The following HMBOX1 variants were observed in gnomAD, a reference collection of about 807,000 sequenced individuals.
HMBOX1 encodes homeobox containing 1.
A neutral mutation model predicts 54.5 loss-of-function variants in HMBOX1; 14 were observed. The ratio of observed to expected loss-of-function variants is 0.26; its 90% CI spans 0.17 to 0.40. The LOEUF (loss-of-function observed/expected upper bound fraction) is 0.40. Ranked by LOEUF, HMBOX1 falls within the 10% of genes least tolerant of loss-of-function variation. The pLI is 1.00. For missense variants in HMBOX1, 332 were observed against 514.4 expected, an observed-to-expected ratio of 0.65 and a Z score of 3.43; for synonymous variants, 160 against 181.0, an observed-to-expected ratio of 0.88 and a Z score of 0.93.
chr8:29,032,020 AGT>A (rs1460634070), intron 6 of HMBOX1, among the ~76,000 whole-genome samples: 1 of 152,120 alleles, frequency 6.6e-6, no homozygotes, highest in African/African-American at 2.4e-5. Context: ...GAGGCTGCTG[AGT>A]GTCTGCTCAG....
intron 5 of HMBOX1, among the ~76,000 whole-genome samples, chr8:29,014,208 A>G (rs577764632): frequency 6.6e-6 from 1 of 151,450 alleles, no homozygotes; most frequent in African/African-American, 2.4e-5. Flanking sequence ...TTTTTTCCTC[A>G]TGGGTTTAGA....
intron 3 of HMBOX1, among the ~76,000 whole-genome samples, chr8:28,979,137 A>C (rs1211685876): frequency 6.6e-6 from 1 of 152,198 alleles, no homozygotes; most frequent in East Asian, 1.9e-4. Context: ...CCTCTATTCT[A>C]TGTTACTTTT....
chr8:28,926,302 T>TACAC (rs548652349), intron 1 of HMBOX1, among the ~76,000 whole-genome samples: 2,068 of 143,530 alleles, frequency 0.014, 36 homozygotes, highest in African/African-American at 0.046. Flanking sequence ...TATATATATA[T>TACAC]ATACACACAC....
rs374026173 is a variant in HMBOX1, at chr8:28,977,959, G to A, written c.501-2112G>A. ...ACTCTGTCTCCAAAAAAAAAAAAAAGAAAGAAAGAAAGAAATATTTCAAAT... is the reference window on the plus strand; with the variant it reads ...ACTCTGTCTCCAAAAAAAAAAAAAAAAAAGAAAGAAAGAAATATTTCAAAT... On this transcript the variant is annotated intron_variant, in intron 3 of 9. Coordinates refer to ENST00000287701, the MANE Select transcript of HMBOX1 (RefSeq NM_001135726.3). 2.7e-5 allele frequency among the ~76,000 whole-genome samples: 4 copies of A among 148,730 alleles called. No homozygotes were observed. The East Asian group carries it at 7.8e-4, about 29-fold the overall frequency.
chr8:28,946,205 G>C (rs1194322608), intron 1 of HMBOX1, among the ~76,000 whole-genome samples: 1 of 151,442 alleles, frequency 6.6e-6, no homozygotes, highest in Non-Finnish European at 1.5e-5. Flanking sequence ...CACCCGCCTC[G>C]GCTTCCCAAA....
chr8:28,905,949 C>T (rs1814243430), intron 1 of HMBOX1, among the ~76,000 whole-genome samples: 1 of 152,130 alleles, frequency 6.6e-6, no homozygotes, highest in Non-Finnish European at 1.5e-5. Flanking sequence ...TTTTTTTCAG[C>T]TTTGATTATA....
At chr8:28,936,791 C>A (rs1201474254) in intron 1 of HMBOX1, among the ~76,000 whole-genome samples, 3 of 138,118 alleles carry the variant, frequency 2.2e-5, no homozygotes, top group African/African-American at 5.5e-5. Context: ...GCCACTGAAC[C>A]AGAGGGTTAA....
chr8:28,984,993 A>T (rs1037635802), intron 4 of HMBOX1, among the ~76,000 whole-genome samples: 1 of 152,216 alleles, frequency 6.6e-6, no homozygotes, highest in Non-Finnish European at 1.5e-5. Flanking sequence ...TAGTATAATG[A>T]AGAAGTAACA....
chr8:28,938,063 A>T (rs1001740107), intron 1 of HMBOX1, among the ~76,000 whole-genome samples: 2 of 152,160 alleles, frequency 1.3e-5, no homozygotes, highest in African/African-American at 2.4e-5. Flanking sequence ...TTGTCATACT[A>T]GAGTTCTTAT....
intron 5 of HMBOX1, among the ~76,000 whole-genome samples, chr8:29,012,473 G>C (rs1239959953): frequency 1.3e-5 from 2 of 152,064 alleles, no homozygotes; most frequent in Non-Finnish European, 2.9e-5. Context: ...ATTTATATGA[G>C]GTGATATGGA....
rs370438986 is a variant in HMBOX1, at chr8:28,904,572, A to G, written c.-58+13894A>G. 2.9e-3 allele frequency among the ~76,000 whole-genome samples: 435 copies of G among 152,124 alleles called. 5 individuals carry two copies. In the Middle Eastern group the frequency reaches 0.045, roughly 16 times the overall value. ...TTTACAGTAGTCTCACCTATACTCA[A>G]TTCAATAGCATTCTTATTTTTTCAA... On this transcript the variant is annotated intron_variant, in intron 1 of 9. Transcript: ENST00000287701.
intron 1 of HMBOX1, among the ~76,000 whole-genome samples, chr8:28,896,782 C>T (rs1282592143): frequency 6.6e-6 from 1 of 152,176 alleles, no homozygotes; most frequent in Non-Finnish European, 1.5e-5. Context: ...CTATGGTGTT[C>T]GCTCAACAAT....
At chr8:28,977,749 G>C (rs1828647562) in intron 3 of HMBOX1, among the ~76,000 whole-genome samples, 1 of 151,924 alleles carries the variant, frequency 6.6e-6, no homozygotes, top group African/African-American at 2.4e-5. Context: ...GACCATCCTG[G>C]CTAACACGGT....
At chr8:28,995,212 T>C (rs1015758218) in intron 4 of HMBOX1, among the ~76,000 whole-genome samples, 1 of 152,216 alleles carries the variant, frequency 6.6e-6, no homozygotes, top group African/African-American at 2.4e-5. Context: ...TTTCTGTCTC[T>C]GCAGATATAC....
At chr8:28,912,638 G>A (rs988607194) in intron 1 of HMBOX1, among the ~76,000 whole-genome samples, 3 of 152,022 alleles carry the variant, frequency 2.0e-5, no homozygotes, top group East Asian at 1.9e-4. Context: ...TTGCTTCTGC[G>A]GCTTCTTTGA....
intron 1 of HMBOX1, among the ~76,000 whole-genome samples, chr8:28,903,164 G>C (rs935968227): frequency 4.6e-5 from 7 of 152,126 alleles, no homozygotes; most frequent in Middle Eastern, 6.8e-3. Flanking sequence ...CATATACACA[G>C]AGAGAGAGAA....
At chr8:29,050,435 T>TCGACACCTTCCTCCCCTTTCTCC (rs1475830189) in intron 9 of HMBOX1, 2 of 154,480 alleles carry the variant, frequency 1.3e-5, no homozygotes, top group African/African-American at 4.8e-5. Flanking sequence ...GCAGGAGAGC[T>TCGACACCTTCCTCCCCTTTCTCC]CGACACCTTC....
At chr8:28,932,056 C>T (rs1819564152) in intron 1 of HMBOX1, among the ~76,000 whole-genome samples, 2 of 152,122 alleles carry the variant, frequency 1.3e-5, no homozygotes, top group Non-Finnish European at 2.9e-5. Flanking sequence ...CTTAGGGGCT[C>T]AAGAAAGGTC....
At chr8:29,039,979 A>T (rs1386852054) in intron 6 of HMBOX1, among the ~76,000 whole-genome samples, 2 of 152,086 alleles carry the variant, frequency 1.3e-5, no homozygotes, top group African/African-American at 4.8e-5. Flanking sequence ...TCTGTTTTTC[A>T]AGTATGTCTT....
Sources: gnomAD v4.1 joint callset for allele counts (sites outside exome capture counted in the v4.1 genomes callset) on GRCh38, gnomAD v4.1.1 for gene constraint, MANE v1.5 for transcripts, NCBI Gene and HGNC (gene_info 2026-07-23, HGNC 2026-07-21) for gene names.